IQCH: variants seen among roughly 807,000 people sequenced by gnomAD.
IQCH encodes the protein IQ domain-containing protein H.
In IQCH, 98 loss-of-function variants were observed where a neutral mutation model predicts 117.0. The observed-to-expected ratio is 0.84, with a 90% confidence interval of 0.71 to 0.99. The LOEUF is 0.99. Among genes scored for constraint, IQCH ranks in the 50% least tolerant of loss-of-function variants. The probability of loss-of-function intolerance (pLI) is 0.00; values close to 1 mark genes in which losing one functional copy is unlikely to be tolerated. For missense variants in IQCH, 1,102 were observed against 1,243.8 expected, an observed-to-expected ratio of 0.89 and a Z score of 1.72; for synonymous variants, 412 against 448.2, an observed-to-expected ratio of 0.92 and a Z score of 1.02.
At chr15:67,482,814 G>A (rs1048935143) in intron 18 of IQCH, among the ~76,000 whole-genome samples, 1 of 152,162 alleles carries the variant, frequency 6.6e-6, no homozygotes, top group Non-Finnish European at 1.5e-5. Context: ...GAATCTGATA[G>A]CCAGGGAGTA....
chr15:67,372,678 A>G lies in IQCH; in HGVS notation c.1305+16A>G. 6.3e-7 allele frequency: 1 copy of G among 1,584,032 alleles called. No individual in the cohort carries two copies. Among genetic ancestry groups the G allele is most frequent in the Non-Finnish European group, 8.6e-7 (1 of 1,165,286 alleles). On this transcript the variant is annotated intron_variant, in intron 9 of 20. Coordinates refer to ENST00000335894, the MANE Select transcript of IQCH (RefSeq NM_001031715.3). ...TCGAGCCAAGGTGCACAAGGCTGCCAGCTGTTAAGGCAGACCTCTTTTTCT... is the reference window on the plus strand; with the variant it reads ...TCGAGCCAAGGTGCACAAGGCTGCCGGCTGTTAAGGCAGACCTCTTTTTCT...
intron 4 of IQCH, among the ~76,000 whole-genome samples, chr15:67,299,969 T>C (rs1966941411): frequency 1.3e-5 from 2 of 152,206 alleles, no homozygotes; most frequent in African/African-American, 2.4e-5. Context: ...CTTAATGATA[T>C]TAGCAACCAT....
rs891509566 is a variant in IQCH, at chr15:67,261,449, A to G, written c.174+55A>G. 6.1e-6 allele frequency: 9 copies of G among 1,466,506 alleles called. No individual in the cohort carries two copies. The African/African-American group carries it at 1.3e-4, about 21-fold the overall frequency. The allele number at this position is 1,466,506 out of a possible 1,614,324, so 90.8% of individuals were successfully genotyped here. ...GGAAGGAGACAAAGCATCCTCTAGA[A>G]GAAAGGAATTGCAGTTCTCATAGAG... is the stretch of plus-strand genomic sequence containing the variant. On this transcript the variant is annotated intron_variant, in intron 2 of 20. Coordinates refer to ENST00000335894, the MANE Select transcript of IQCH (RefSeq NM_001031715.3).
rs1970578856 is a variant in IQCH at position 67,372,508 on chromosome 15, A to G, written c.1151A>G (p.Lys384Arg). The change falls in exon 9 of 21, where the codon AAA becomes AGA. Residue 384 changes from lysine (K) to arginine (R), a missense_variant. Lys to Arg is a conservative substitution (Grantham distance 26). Coordinates refer to ENST00000335894, the MANE Select transcript of IQCH (RefSeq NM_001031715.3). ...ATCCAAGCCACATGGAAATGCTACA[A>G]AGCAAGAAAATTCTTCCTCTTTTAT... ...MKIQATWKCYKARKFFLFYRQ... is the reference protein window; with the variant it reads ...MKIQATWKCYRARKFFLFYRQ... The G allele has an allele frequency of 6.2e-7, 1 of 1,614,052 alleles. No homozygotes were observed. The highest frequency in any genetic ancestry group is 8.5e-7 in the Non-Finnish European group (1 of 1,179,984).
chr15:67,292,306 A>G (rs1378884691), intron 4 of IQCH, among the ~76,000 whole-genome samples: 1 of 152,166 alleles, frequency 6.6e-6, no homozygotes, highest in Non-Finnish European at 1.5e-5. Context: ...GCTAGAATGC[A>G]GTATACAATC....
At chr15:67,308,136 A>G (rs898646490) in intron 4 of IQCH, among the ~76,000 whole-genome samples, 11 of 152,168 alleles carry the variant, frequency 7.2e-5, no homozygotes, top group Admixed American at 7.2e-4. Context: ...GCCTGCTGTA[A>G]GCTGGCCCTC....
chr15:67,438,357 T>A (rs1839939868), intron 16 of IQCH, among the ~76,000 whole-genome samples: 1 of 152,142 alleles, frequency 6.6e-6, no homozygotes, highest in African/African-American at 2.4e-5. Context: ...GCTGAGAGAA[T>A]TCGCCATTAC....
intron 16 of IQCH, among the ~76,000 whole-genome samples, chr15:67,439,913 C>T (rs960505343): frequency 3.4e-5 from 5 of 145,476 alleles, no homozygotes; most frequent in African/African-American, 7.7e-5. Context: ...AAAATACAAA[C>T]GATAAATGAA....
At chr15:67,312,853 A>G (rs1967666957) in intron 4 of IQCH, among the ~76,000 whole-genome samples, 1 of 152,184 alleles carries the variant, frequency 6.6e-6, no homozygotes, top group South Asian at 2.1e-4. Context: ...TGAGATGAAT[A>G]AATACTATTG....
chr15:67,259,102 A>G (rs756517588), intron 1 of IQCH, among the ~76,000 whole-genome samples: 4 of 152,218 alleles, frequency 2.6e-5, no homozygotes, highest in Non-Finnish European at 2.9e-5. Flanking sequence ...AGGTTTTATA[A>G]TTCAGAAGAG....
rs1198345219 is a variant in IQCH at position 67,443,739 on chromosome 15, T to C, written c.2506-21388T>C. 6.6e-6 allele frequency among the ~76,000 whole-genome samples: 1 copy of C among 152,246 alleles called. No homozygotes were observed. Among genetic ancestry groups the C allele is most frequent in the Non-Finnish European group, 1.5e-5 (1 of 68,046 alleles). On this transcript the variant is annotated intron_variant, in intron 16 of 20. Coordinates refer to ENST00000335894, the MANE Select transcript of IQCH (RefSeq NM_001031715.3). The surrounding 1 kb of genome is among the most constrained non-coding windows in gnomAD (Gnocchi z 5.0). The stretch of plus-strand genomic sequence containing the variant: ...GATTCCCCCTTAAAGTGCCACTTCA[T>C]CCTCTAGCCCTAGCTCAGATCTGAA...
At chr15:67,399,996 A>C in intron 13 of IQCH, 118 bp from the exon 14 acceptor site, 1 of 723,610 alleles carries the variant, frequency 1.4e-6, no homozygotes. Context: ...AAGATAACCA[A>C]ATGAACAGAC....
chr15:67,339,052 A>G (rs906079499), intron 5 of IQCH, among the ~76,000 whole-genome samples: 14 of 152,186 alleles, frequency 9.2e-5, no homozygotes, highest in Non-Finnish European at 1.8e-4. Flanking sequence ...TTTTAAATCT[A>G]TTTAATATCT....
chr15:67,287,002 A>G lies in IQCH; in HGVS notation c.387+7490A>G, dbSNP rs75033948. Among the ~76,000 whole-genome samples the G allele has an allele frequency of 9.5e-3, 1,444 of 152,262 alleles. 26 individuals carry two copies. The highest frequency in any genetic ancestry group is 0.033 in the African/African-American group (1,381 of 41,536). ...TGTGAAACGTTGTTGAATTTTATCA[A>G]ATACTTTTTCAGCACCAATTGAAAT... On this transcript the variant is annotated intron_variant, in intron 4 of 20. Coordinates refer to ENST00000335894, the MANE Select transcript of IQCH (RefSeq NM_001031715.3).
intron 16 of IQCH, among the ~76,000 whole-genome samples, chr15:67,452,417 C>G (rs776047565): frequency 6.6e-6 from 1 of 152,154 alleles, no homozygotes; most frequent in East Asian, 1.9e-4. Flanking sequence ...TAGGGCTGGC[C>G]TGGTGGTGAC....
At chr15:67,327,852 A>C (rs186928691) in intron 4 of IQCH, among the ~76,000 whole-genome samples, 66 of 152,270 alleles carry the variant, frequency 4.3e-4, no homozygotes, top group African/African-American at 1.5e-3. Flanking sequence ...CAAATTTTGG[A>C]ATCTCCTGTC....
rs1179467127 is a variant in IQCH, at chr15:67,496,057, C to T, written c.2970+1691C>T. On this transcript the variant is annotated intron_variant, in intron 20 of 20. Coordinates refer to ENST00000335894, the MANE Select transcript of IQCH (RefSeq NM_001031715.3). This position sits in a 1 kb window ranked among gnomAD's most constrained non-coding sequence, Gnocchi z 4.4. ...TGAGGCTGGGCACAATGGCTCATGC[C>T]TGTAATTCCAGCACTTTGAAAAGCT... 6.6e-6 allele frequency among the ~76,000 whole-genome samples: 1 copy of T among 152,208 alleles called. No individual in the cohort carries two copies. The highest frequency in any genetic ancestry group is 1.5e-5 in the Non-Finnish European group (1 of 68,044).
chr15:67,349,808 A>G (rs573448289), intron 6 of IQCH, among the ~76,000 whole-genome samples: 10 of 152,216 alleles, frequency 6.6e-5, no homozygotes, highest in Non-Finnish European at 1.2e-4. Context: ...GTAAATAGAT[A>G]CATGAAAGCA....
intron 16 of IQCH, among the ~76,000 whole-genome samples, chr15:67,441,807 C>T (rs549718274): frequency 2.7e-4 from 41 of 152,078 alleles, no homozygotes; most frequent in Non-Finnish European, 5.0e-4. Context: ...TTGGAAAACC[C>T]CTTCTAGACA....
Sources: gnomAD v4.1 joint callset for allele counts (sites outside exome capture counted in the v4.1 genomes callset) on GRCh38, gnomAD v4.1.1 for gene constraint, Gnocchi (gnomAD v3.1) non-coding constraint, MANE v1.5 for transcripts, NCBI Gene and HGNC (gene_info 2026-07-23, HGNC 2026-07-21) for gene names.